SHANK2: variants seen among roughly 807,000 people sequenced by gnomAD.
SHANK2 encodes the protein SH3 and multiple ankyrin repeat domains protein 2.
A neutral mutation model predicts 133.7 loss-of-function variants in SHANK2; 43 were observed. That is an observed-to-expected ratio of 0.32 (90% CI 0.25 to 0.41). The LOEUF (loss-of-function observed/expected upper bound fraction) is 0.41. Among genes scored for constraint, SHANK2 ranks in the 10% least tolerant of loss-of-function variants. SHANK2 has a pLI of 1.00. For synonymous variants in SHANK2, 1,017 were observed against 952.8 expected, an observed-to-expected ratio of 1.07 and a Z score of -1.24; for missense variants, 1,994 against 2,235.8, an observed-to-expected ratio of 0.89 and a Z score of 2.18.
At chr11:70,773,238 G>A (rs1405720257) in intron 14 of SHANK2, among the ~76,000 whole-genome samples, 5 of 152,224 alleles carry the variant, frequency 3.3e-5, no homozygotes, top group Admixed American at 6.5e-5. Context: ...GTAGCTGGGC[G>A]AGCGGCTCAC....
chr11:71,230,086 G>C (rs116458650), intron 1 of SHANK2, among the ~76,000 whole-genome samples: 1 of 152,138 alleles, frequency 6.6e-6, no homozygotes, highest in African/African-American at 2.4e-5. Context: ...TTAGGAGCTC[G>C]AGACTAGCCT....
rs1948703356 is a variant in SHANK2, at chr11:70,830,022, G to A, written c.1175-9340C>T. On this transcript the variant is annotated intron_variant, in intron 11 of 25. Coordinates refer to ENST00000601538, the MANE Select transcript of SHANK2 (RefSeq NM_012309.5). The surrounding 1 kb of genome is among the most constrained non-coding windows in gnomAD (Gnocchi z 4.4). Reference sequence around the variant, plus strand: ...CAGACGCGGGCAGCAGCCTGTAAGAGCCTCCTTCCCCCACACCCACCACTT... The same window carrying A: ...CAGACGCGGGCAGCAGCCTGTAAGAACCTCCTTCCCCCACACCCACCACTT... Among the ~76,000 whole-genome samples, 1 of 152,170 alleles carries A rather than the reference G, an allele frequency of 6.6e-6. No individual in the cohort carries two copies. The highest frequency in any genetic ancestry group is 1.5e-5 in the Non-Finnish European group (1 of 68,026).
Position 70,535,379 on chromosome 11 carries a change from T to C in SHANK2, c.2062-32448A>G, listed in dbSNP as rs782349352. 2.6e-5 allele frequency among the ~76,000 whole-genome samples: 4 copies of C among 152,066 alleles called. No individual in the cohort carries two copies. The highest frequency in any genetic ancestry group is 4.4e-5 in the Non-Finnish European group (3 of 68,006). On this transcript the variant is annotated intron_variant, in intron 17 of 25. Transcript: ENST00000601538. The surrounding 1 kb of genome is among the most constrained non-coding windows in gnomAD (Gnocchi z 4.3). ...ATCTACCATCATCCATCTGCCATCA[T>C]CCATCAGTCTAACCAGTCCATCCAT...
chr11:70,557,881 C>T (rs373460060), intron 17 of SHANK2, among the ~76,000 whole-genome samples: 1 of 152,342 alleles, frequency 6.6e-6, no homozygotes, highest in East Asian at 1.9e-4. Context: ...GCCACAGCTC[C>T]CAGGCGTGCC....
intron 15 of SHANK2, among the ~76,000 whole-genome samples, chr11:70,686,433 CATCT>C (rs1555019658): frequency 2.0e-5 from 3 of 150,560 alleles, no homozygotes; most frequent in Admixed American, 2.0e-4. Flanking sequence ...TCCATCCATT[CATCT>C]ATCTACCCAT....
In SHANK2 at chr11:70,803,151, G is replaced by A. The variant is rs373691743; in HGVS notation, c.1663+3851C>T. Among the ~76,000 whole-genome samples, 7 of 151,866 alleles carry A rather than the reference G, an allele frequency of 4.6e-5. No individual in the cohort carries two copies. In the East Asian group the frequency reaches 1.4e-3, roughly 30 times the overall value. On this transcript the variant is annotated intron_variant, in intron 13 of 25. Transcript: ENST00000601538. ...AAAAGCAGGATGGAAGCATGGTGGT[G>A]AGAGCGTGGGACAAAACACACACTG... is the stretch of plus-strand genomic sequence containing the variant.
chr11:71,087,909 G>A (rs979253263), intron 8 of SHANK2, among the ~76,000 whole-genome samples: 10 of 152,254 alleles, frequency 6.6e-5, no homozygotes, highest in Middle Eastern at 3.4e-3. Context: ...GATTACAGGC[G>A]TGAGCCACCG....
At chr11:70,489,970 A>ACCCCC in intron 23 of SHANK2, 2 of 194,848 alleles carry the variant, frequency 1.0e-5, no homozygotes, top group Non-Finnish European at 2.1e-5. Flanking sequence ...GGCTCGCACC[A>ACCCCC]CCCCGCCCAC....
intron 10 of SHANK2, among the ~76,000 whole-genome samples, chr11:70,915,452 T>A (rs1415071841): frequency 6.6e-6 from 1 of 152,078 alleles, no homozygotes; most frequent in African/African-American, 2.4e-5. Flanking sequence ...TCAGCAGAGT[T>A]TCAGCATCAG....
At chr11:71,135,589 C>A (rs1457522806) in intron 3 of SHANK2, among the ~76,000 whole-genome samples, 2 of 149,840 alleles carry the variant, frequency 1.3e-5, no homozygotes, top group Non-Finnish European at 2.9e-5. Context: ...CAGGTTCAAG[C>A]AATTCTCGTG....
At chr11:71,086,222 A>C (rs1342034496) in intron 8 of SHANK2, among the ~76,000 whole-genome samples, 1 of 55,368 alleles carries the variant, frequency 1.8e-5, no homozygotes, top group Non-Finnish European at 3.2e-5. Context: ...ATGTTATATA[A>C]TATATTAAAT....
intron 3 of SHANK2, among the ~76,000 whole-genome samples, chr11:71,123,347 G>A (rs1555101909): frequency 1.3e-5 from 2 of 152,176 alleles, no homozygotes; most frequent in African/African-American, 2.4e-5. Flanking sequence ...CACACAATAT[G>A]GAAAAGGTAA....
chr11:70,811,193 G>C (rs1483584494), intron 12 of SHANK2, among the ~76,000 whole-genome samples: 1 of 152,170 alleles, frequency 6.6e-6, no homozygotes, highest in Non-Finnish European at 1.5e-5. Context: ...AGATGAACAA[G>C]GCTGACAGTA....
chr11:70,551,842 G>A (rs2059773460), intron 17 of SHANK2, among the ~76,000 whole-genome samples: 1 of 152,208 alleles, frequency 6.6e-6, no homozygotes, highest in African/African-American at 2.4e-5. Context: ...TCTGGGTTCT[G>A]TAGCAGGCAC....
chr11:70,636,582 TGA>T (rs1158103157), intron 17 of SHANK2, among the ~76,000 whole-genome samples: 5 of 52,354 alleles, frequency 9.6e-5, no homozygotes, highest in East Asian at 4.2e-4. Flanking sequence ...TGTATGAATG[TGA>T]GTCTGTGTGA....
intron 25 of SHANK2, among the ~76,000 whole-genome samples, chr11:70,481,179 T>C (rs1409201986): frequency 2.0e-5 from 3 of 152,268 alleles, no homozygotes; most frequent in Non-Finnish European, 2.9e-5. Flanking sequence ...CAGATCACCC[T>C]GGGAGATGCC....
At chr11:70,531,042 G>A (rs1319067807) in intron 17 of SHANK2, among the ~76,000 whole-genome samples, 5 of 151,354 alleles carry the variant, frequency 3.3e-5, no homozygotes, top group South Asian at 2.1e-4. Context: ...AACATTCGTC[G>A]GGCTTGGTGG....
chr11:70,908,169 C>T (rs1213436061), intron 10 of SHANK2: 1 of 256,454 alleles, frequency 3.9e-6, no homozygotes, highest in Non-Finnish European at 7.8e-6. Flanking sequence ...AGCAGTGAAA[C>T]AGATTGTTGC....
At chr11:70,828,414 A>G (rs1555057645) in intron 11 of SHANK2, among the ~76,000 whole-genome samples, 1 of 152,266 alleles carries the variant, frequency 6.6e-6, no homozygotes, top group South Asian at 2.1e-4. Context: ...TCACCGACTC[A>G]TAAAACTGAG....
Sources: allele counts gnomAD v4.1 joint callset (sites outside exome capture counted in the v4.1 genomes callset), GRCh38; gene constraint gnomAD v4.1.1; non-coding constraint Gnocchi (gnomAD v3.1); transcripts MANE v1.5; gene names NCBI Gene and HGNC (gene_info 2026-07-23, HGNC 2026-07-21).